Variants in TMEM268 observed in about 807,000 individuals in gnomAD.
TMEM268 encodes transmembrane protein 268.
TMEM268 carries 24 observed loss-of-function variants against 39.1 expected under a neutral mutation model. The observed-to-expected ratio is 0.61, with a 90% CI of 0.44 to 0.86. The LOEUF (loss-of-function observed/expected upper bound fraction) is 0.86. Among genes scored for constraint, TMEM268 ranks in the 40% least tolerant of loss-of-function variants. TMEM268 has a pLI of 0.00. For synonymous variants in TMEM268, 176 were observed against 173.5 expected, an observed-to-expected ratio of 1.01 and a Z score of -0.12; for missense variants, 409 against 428.6, an observed-to-expected ratio of 0.95 and a Z score of 0.40.
At chr9:114,633,451 C>T (rs1371011254) in intron 5 of TMEM268, among the ~76,000 whole-genome samples, 1 of 152,118 alleles carries the variant, frequency 6.6e-6, no homozygotes, top group East Asian at 1.9e-4. Flanking sequence ...TGAACCACCG[C>T]GCCTGGCCCC....
intron 3 of TMEM268, among the ~76,000 whole-genome samples, chr9:114,624,959 G>T (rs1300041842): frequency 6.6e-6 from 1 of 152,202 alleles, no homozygotes; most frequent in African/African-American, 2.4e-5. Context: ...GGGCATTTTA[G>T]GAGAGGGGAC....
chr9:114,616,690 T>G (rs1845728182), intron 1 of TMEM268, among the ~76,000 whole-genome samples: 1 of 151,880 alleles, frequency 6.6e-6, no homozygotes, highest in African/African-American at 2.4e-5. Flanking sequence ...TTAATGTGTA[T>G]TTTGCAGTGT....
At position 114,635,725 on chromosome 9, in the gene TMEM268, A is replaced by C. The variant is rs979853981; in HGVS notation, c.586-1265A>C. 2.0e-5 allele frequency among the ~76,000 whole-genome samples: 3 copies of C among 152,108 alleles called. No individual in the cohort carries two copies. The South Asian group carries it at 6.2e-4, about 32-fold the overall frequency. ...TCTTTTTAGACAACTTGAGTCTTTC[A>C]GTTTCTAAATAGTATCTTGGGATGA... is the stretch of plus-strand genomic sequence containing the variant. On this transcript the variant is annotated intron_variant, in intron 6 of 8. Coordinates refer to ENST00000288502, the MANE Select transcript of TMEM268 (RefSeq NM_153045.4).
chr9:114,629,817 C>T (rs1462123694), intron 5 of TMEM268, among the ~76,000 whole-genome samples: 2 of 152,176 alleles, frequency 1.3e-5, no homozygotes, highest in East Asian at 1.9e-4. Flanking sequence ...CGTGTGTTCA[C>T]GAGACAAACG....
intron 6 of TMEM268, among the ~76,000 whole-genome samples, chr9:114,634,991 C>T (rs771407139): frequency 2.2e-4 from 33 of 152,226 alleles, no homozygotes; most frequent in African/African-American, 5.5e-4. Context: ...CTCCTTTATC[C>T]GTTGGCACGT....
intron 6 of TMEM268, among the ~76,000 whole-genome samples, chr9:114,636,142 G>A (rs1846623821): frequency 6.6e-6 from 1 of 152,206 alleles, no homozygotes; most frequent in South Asian, 2.1e-4. Context: ...ATGTGTGGCA[G>A]CTGTGGTCTT....
chr9:114,624,593 T>C, intron 3 of TMEM268, 134 bp downstream of exon 3: 1 of 1,360,780 alleles, frequency 7.3e-7, no homozygotes, highest in South Asian at 1.5e-5. Flanking sequence ...AAGGAAGGTA[T>C]ATTAGAAGTG....
At chr9:114,641,546 G>A (rs552704919) in intron 8 of TMEM268, among the ~76,000 whole-genome samples, 3 of 152,284 alleles carry the variant, frequency 2.0e-5, no homozygotes, top group Non-Finnish European at 2.9e-5. Context: ...AAGGCCTAGC[G>A]CCGTGGCTCA....
At chr9:114,624,300 G>C in intron 2 of TMEM268, 50 bp from the exon 3 acceptor site, 1 of 1,554,944 alleles carries the variant, frequency 6.4e-7, no homozygotes, top group Non-Finnish European at 8.7e-7. Flanking sequence ...CACCCCACGA[G>C]CCTGGTATGG....
upstream of TMEM268, chr9:114,611,259 C>G (rs1002973923): frequency 1.3e-5 from 2 of 152,174 alleles, no homozygotes; most frequent in African/African-American, 4.8e-5. Context: ...CGCGCGGAGG[C>G]TCCTTCCGGC....
At chr9:114,627,746 G>C (rs1439858491) in intron 4 of TMEM268, among the ~76,000 whole-genome samples, 3 of 152,218 alleles carry the variant, frequency 2.0e-5, no homozygotes, top group Non-Finnish European at 2.9e-5. Flanking sequence ...AGGAAACTGA[G>C]ACTTAGGGGA....
chr9:114,640,475 T>C (rs1023707597), intron 8 of TMEM268, among the ~76,000 whole-genome samples: 1 of 152,202 alleles, frequency 6.6e-6, no homozygotes. Flanking sequence ...AGCATACTCT[T>C]CGAGGTATGA....
At chr9:114,638,896 TA>T (rs1259634284) in intron 8 of TMEM268, among the ~76,000 whole-genome samples, 170 bp downstream of exon 8, 2 of 152,244 alleles carry the variant, frequency 1.3e-5, no homozygotes, top group African/African-American at 4.8e-5. Flanking sequence ...CCCTAGCACT[TA>T]AAAAGATAGT....
intron 6 of TMEM268, among the ~76,000 whole-genome samples, chr9:114,635,484 A>T (rs1209600720): frequency 1.3e-5 from 2 of 152,194 alleles, no homozygotes; most frequent in Non-Finnish European, 2.9e-5. Context: ...CAACACCAGC[A>T]GCCTGGGCAA....
Position 114,643,262 on chromosome 9 carries a change from C to G in TMEM268, c.978C>G (p.Leu326=). The change falls in exon 9 of 9, where the codon CTC becomes CTG. Residue 326 remains leucine, a synonymous_variant. Coordinates refer to ENST00000288502, the MANE Select transcript of TMEM268 (RefSeq NM_153045.4). The part of the protein sequence containing the change: ...NSPRIPCPCQ[L]IEAYILGTGC... ...CGAGAATTCCATGCCCCTGCCAGCT[C>G]ATAGAAGCCTACATCCTAGGCACAG... The G allele has an allele frequency of 6.2e-7, 1 of 1,614,180 alleles. No individual in the cohort carries two copies. Among genetic ancestry groups the G allele is most frequent in the Non-Finnish European group, 8.5e-7 (1 of 1,180,024 alleles).
At chr9:114,618,722 C>T (rs183269835) in intron 2 of TMEM268, among the ~76,000 whole-genome samples, 10 of 152,156 alleles carry the variant, frequency 6.6e-5, no homozygotes, top group Admixed American at 1.3e-4. Context: ...TTCAATATCC[C>T]TTCCTTGAAG....
chr9:114,633,281 C>T (rs1166846514), intron 5 of TMEM268, among the ~76,000 whole-genome samples: 1 of 151,886 alleles, frequency 6.6e-6, no homozygotes. Flanking sequence ...CCTGTCTCAG[C>T]CTCCCGAGTA....
chr9:114,638,005 A>G (rs1453901166), intron 7 of TMEM268, among the ~76,000 whole-genome samples: 1 of 152,228 alleles, frequency 6.6e-6, no homozygotes, highest in Non-Finnish European at 1.5e-5. Context: ...CCCACATCCC[A>G]GGCTGCTTTG....
chr9:114,614,262 A>G (rs1474124844), intron 1 of TMEM268, among the ~76,000 whole-genome samples: 2 of 152,224 alleles, frequency 1.3e-5, no homozygotes, highest in African/African-American at 2.4e-5. Flanking sequence ...GATACATGAT[A>G]ATTGTTAAAG....
Sources: allele counts gnomAD v4.1 joint callset (sites outside exome capture counted in the v4.1 genomes callset), GRCh38; gene constraint gnomAD v4.1.1; transcripts MANE v1.5; gene names NCBI Gene and HGNC (gene_info 2026-07-23, HGNC 2026-07-21).